The following KCNN3 variants were observed in gnomAD, a reference collection of about 807,000 sequenced individuals.
KCNN3 encodes small conductance calcium-activated potassium channel protein 3.
In KCNN3, 16 loss-of-function variants were observed where a neutral mutation model predicts 62.9. The observed-to-expected ratio is 0.25, with a 90% confidence interval of 0.17 to 0.39. The LOEUF is 0.39. Among genes scored for constraint, KCNN3 ranks in the 10% least tolerant of loss-of-function variants. KCNN3 has a pLI of 1.00. For synonymous variants in KCNN3, 370 were observed against 389.2 expected (o/e 0.95, Z 0.58); for missense variants, 599 against 949.4 (o/e 0.63, Z 4.85).
At chr1:154,715,159 C>T (rs1223031138) in intron 5 of KCNN3, among the ~76,000 whole-genome samples, 156 bp from the exon 6 acceptor site, 5 of 152,012 alleles carry the variant, frequency 3.3e-5, no homozygotes, top group Non-Finnish European at 5.9e-5. Flanking sequence ...TGATTAAGGC[C>T]GGGCACGGTG....
At chr1:154,820,227 C>T (rs1369043411) in intron 2 of KCNN3, among the ~76,000 whole-genome samples, 2 of 152,198 alleles carry the variant, frequency 1.3e-5, no homozygotes, top group East Asian at 3.8e-4. Context: ...AGGCTGAGAG[C>T]TAGGGCTGCA....
intron 2 of KCNN3, among the ~76,000 whole-genome samples, chr1:154,821,660 T>C (rs1419940508): frequency 6.6e-6 from 1 of 152,182 alleles, no homozygotes; most frequent in African/African-American, 2.4e-5. Context: ...TGGTGGAGTT[T>C]GGTGCAGCAT....
intron 1 of KCNN3, among the ~76,000 whole-genome samples, chr1:154,822,978 C>T (rs1175927223): frequency 2.0e-5 from 3 of 152,218 alleles, no homozygotes; most frequent in Non-Finnish European, 4.4e-5. Context: ...GCTACCTGAC[C>T]TTGGAACGCC....
At chr1:154,749,938 C>T (rs1282303503) in intron 3 of KCNN3, among the ~76,000 whole-genome samples, 3 of 152,194 alleles carry the variant, frequency 2.0e-5, no homozygotes, top group Admixed American at 1.3e-4. Context: ...TTCCATAGGC[C>T]TGGGCTACGC....
At chr1:154,826,834 G>A (rs1218552) in intron 1 of KCNN3, among the ~76,000 whole-genome samples, 111,288 of 152,214 alleles carry the variant, frequency 0.73, 41,518 homozygotes, top group East Asian at 0.94. Context: ...ATCGCAAAAA[G>A]GAGAAAGCTA....
At chr1:154,810,868 AG>A (rs1238432203) in intron 2 of KCNN3, among the ~76,000 whole-genome samples, 1 of 152,238 alleles carries the variant, frequency 6.6e-6, no homozygotes, top group Non-Finnish European at 1.5e-5. Flanking sequence ...TCTCTCCCCC[AG>A]GCAGGGCAAC....
chr1:154,710,750 G>C (rs549551787), intron 7 of KCNN3, among the ~76,000 whole-genome samples: 3 of 152,320 alleles, frequency 2.0e-5, no homozygotes, highest in African/African-American at 7.2e-5. Flanking sequence ...AAATGCTCAT[G>C]ATCACTGGCC....
At chr1:154,790,671 AG>A (rs1649475525) in intron 2 of KCNN3, among the ~76,000 whole-genome samples, 1 of 152,216 alleles carries the variant, frequency 6.6e-6, no homozygotes, top group Admixed American at 6.5e-5. Flanking sequence ...CAAAATTCAA[AG>A]TACAGTTCCT....
In KCNN3 at chr1:154,701,591, T is replaced by C. The variant is rs187478602; in HGVS notation, c.*6385A>G. On this transcript the variant is annotated 3_prime_UTR_variant, in exon 8 of 8. Coordinates refer to ENST00000271915, the MANE Select transcript of KCNN3 (RefSeq NM_002249.6). Reference sequence around the variant, plus strand: ...ACAATATCTCAACGGGAACCCTTTATTTCCTCCCAGCTAGAGGAAGCTAGC... The same window carrying C: ...ACAATATCTCAACGGGAACCCTTTACTTCCTCCCAGCTAGAGGAAGCTAGC... 5 of 152,342 alleles carry C rather than the reference T, an allele frequency of 3.3e-5. 1 individual carries two copies. The highest frequency in any genetic ancestry group is 1.2e-4 in the African/African-American group (5 of 41,576). The allele number at this position is 152,342 out of a possible 1,614,324, so 9.4% of individuals were successfully genotyped here.
intron 2 of KCNN3, among the ~76,000 whole-genome samples, chr1:154,784,266 C>T (rs1649182924): frequency 6.6e-6 from 1 of 152,162 alleles, no homozygotes; most frequent in Non-Finnish European, 1.5e-5. Context: ...ATCATGTCAC[C>T]TCCCCTTCTA....
intron 2 of KCNN3, among the ~76,000 whole-genome samples, chr1:154,792,683 A>G (rs111300072): frequency 1.4e-4 from 21 of 152,308 alleles, no homozygotes; most frequent in African/African-American, 5.1e-4. Context: ...GGAAAGAGAG[A>G]GAATTTGAGG....
chr1:154,826,314 G>C (rs774858390), intron 1 of KCNN3, among the ~76,000 whole-genome samples: 3 of 152,186 alleles, frequency 2.0e-5, no homozygotes, highest in Non-Finnish European at 4.4e-5. Flanking sequence ...CCACGAGCCA[G>C]CCCTTCACAG....
chr1:154,748,704 T>C (rs1317148470), intron 3 of KCNN3, among the ~76,000 whole-genome samples: 1 of 152,252 alleles, frequency 6.6e-6, no homozygotes, highest in Non-Finnish European at 1.5e-5. Context: ...CTCATGCCTG[T>C]AATCCAAGCA....
Position 154,714,605 on chromosome 1 carries a change from G to T in KCNN3, c.1829+271C>A, listed in dbSNP as rs796826367. ...GGTGTGTATGGTGTGTGTGATGTGT[G>T]GTGTGTGGTGTGTGTGTGTGTGTGT... On this transcript the variant is annotated intron_variant, in intron 6 of 7. Transcript: ENST00000271915. 1.5e-4 allele frequency among the ~76,000 whole-genome samples: 4 copies of T among 26,102 alleles called. 1 individual carries two copies. The highest frequency in any genetic ancestry group is 4.5e-4 in the African/African-American group (4 of 8,954). The allele number at this position is 26,102 out of a possible 152,430, so 17.1% of individuals were successfully genotyped here. A position where few individuals can be genotyped will look rare whatever the true frequency, so the allele number is the denominator to read the frequency against.
chr1:154,738,428 C>G (rs10908429), intron 3 of KCNN3, among the ~76,000 whole-genome samples: 1 of 152,056 alleles, frequency 6.6e-6, no homozygotes, highest in Non-Finnish European at 1.5e-5. Flanking sequence ...GAGGGTGGAA[C>G]GAAGACATTT....
At chr1:154,807,771 C>T (rs1557985933) in intron 2 of KCNN3, among the ~76,000 whole-genome samples, 1 of 152,200 alleles carries the variant, frequency 6.6e-6, no homozygotes, top group East Asian at 1.9e-4. Flanking sequence ...TCGGGCTGCC[C>T]TCAAGCCCTG....
intron 2 of KCNN3, among the ~76,000 whole-genome samples, chr1:154,804,101 C>T (rs756253661): frequency 1.3e-5 from 2 of 152,236 alleles, no homozygotes; most frequent in Non-Finnish European, 2.9e-5. Context: ...CTCTGGGATG[C>T]ACCTTGAAAG....
intron 2 of KCNN3, among the ~76,000 whole-genome samples, chr1:154,783,413 C>T (rs1357857858): frequency 1.3e-5 from 2 of 152,148 alleles, no homozygotes; most frequent in Admixed American, 1.3e-4. Context: ...ACTAAGACCA[C>T]GGCTTTCATT....
chr1:154,720,999 C>T (rs1700335003), intron 5 of KCNN3, among the ~76,000 whole-genome samples: 1 of 152,112 alleles, frequency 6.6e-6, no homozygotes, highest in Non-Finnish European at 1.5e-5. Context: ...TGGAAGAACA[C>T]GATGTCAGGA....
Sources: gnomAD v4.1 joint callset for allele counts (sites outside exome capture counted in the v4.1 genomes callset) on GRCh38, gnomAD v4.1.1 for gene constraint, MANE v1.5 for transcripts, NCBI Gene and HGNC (gene_info 2026-07-23, HGNC 2026-07-21) for gene names.